The following RNF17 variants were observed in gnomAD, a reference collection of about 807,000 sequenced individuals.
RNF17 encodes spermatogenesis associated 23.
Under a neutral mutation model 200.5 loss-of-function variants are expected in RNF17, and 31 were observed. The ratio of observed to expected loss-of-function variants is 0.15; its 90% confidence interval spans 0.12 to 0.21. The LOEUF (loss-of-function observed/expected upper bound fraction) is 0.21, where lower values mean the gene tolerates loss of function less well. Among genes scored for constraint, RNF17 ranks in the 10% least tolerant of loss-of-function variants. The pLI is 1.00. For synonymous variants in RNF17, 606 were observed against 637.8 expected, an observed-to-expected ratio of 0.95 and a Z score of 0.75; for missense variants, 1,628 against 1,905.1, an observed-to-expected ratio of 0.85 and a Z score of 2.71.
At chr13:24,789,863 C>A in intron 9 of RNF17, 91 bp downstream of exon 9, 1 of 783,498 alleles carries the variant, frequency 1.3e-6, no homozygotes, top group Non-Finnish European at 2.1e-6. Flanking sequence ...TAGTGTAATT[C>A]AAAAGCTGAA....
intron 27 of RNF17, 44 bp from the exon 28 acceptor site, chr13:24,862,669 T>G: frequency 7.8e-7 from 1 of 1,279,076 alleles, no homozygotes; most frequent in South Asian, 1.2e-5. Flanking sequence ...CTGCTCTGAT[T>G]TTATGAAAGC....
chr13:24,855,664 A>G (rs1380766056), intron 25 of RNF17, among the ~76,000 whole-genome samples: 2 of 151,928 alleles, frequency 1.3e-5, no homozygotes, highest in African/African-American at 4.8e-5. Context: ...ATTTCTAGGT[A>G]ATGTCAAATT....
At chr13:24,844,606 TATATA>T in intron 20 of RNF17, 41 bp from the exon 21 acceptor site, 5 of 1,425,712 alleles carry the variant, frequency 3.5e-6, no homozygotes, top group Non-Finnish European at 4.8e-6. Context: ...GCCAGAGAAT[TATATA>T]AGAAAAGGTT....
intron 10 of RNF17, chr13:24,794,360 T>C (rs951643476): frequency 2.9e-6 from 1 of 346,942 alleles, no homozygotes; most frequent in Non-Finnish European, 5.6e-6. Flanking sequence ...CTAAAACATA[T>C]TACTTTCTAA....
At chr13:24,806,276 G>T (rs1885839020) in intron 15 of RNF17, among the ~76,000 whole-genome samples, 1 of 152,046 alleles carries the variant, frequency 6.6e-6, no homozygotes, top group African/African-American at 2.4e-5. Context: ...ATGGGCATTT[G>T]GGTTGGTTCC....
chr13:24,795,403 A>G (rs987802732), intron 10 of RNF17, among the ~76,000 whole-genome samples: 7 of 147,740 alleles, frequency 4.7e-5, no homozygotes, highest in Non-Finnish European at 5.9e-5. Context: ...CTCTCTCTCT[A>G]TGTGTGTGTG....
chr13:24,782,765 G>T (rs1423818491), intron 6 of RNF17, among the ~76,000 whole-genome samples: 2 of 152,096 alleles, frequency 1.3e-5, no homozygotes, highest in African/African-American at 2.4e-5. Flanking sequence ...GAGCCCAATT[G>T]TTGCTATTGG....
intron 29 of RNF17, 60 bp from the exon 30 acceptor site, chr13:24,866,084 G>T: frequency 1.1e-6 from 1 of 914,108 alleles, no homozygotes; most frequent in South Asian, 1.5e-5. Flanking sequence ...GATGAAATAT[G>T]GAAAGTACCT....
chr13:24,804,261 T>A, intron 14 of RNF17, 27 bp from the exon 15 acceptor site: 1 of 1,602,628 alleles, frequency 6.2e-7, no homozygotes, highest in South Asian at 1.1e-5. Context: ...AGACCCTGCT[T>A]ACGCTTTTCA....
chr13:24,867,556 A>G (rs1043544483), intron 30 of RNF17, among the ~76,000 whole-genome samples: 1 of 152,144 alleles, frequency 6.6e-6, no homozygotes, highest in African/African-American at 2.4e-5. Flanking sequence ...GAATTTTCCT[A>G]GGTTCAAACT....
chr13:24,837,294 C>T (rs184472464), intron 18 of RNF17, among the ~76,000 whole-genome samples: 8 of 152,132 alleles, frequency 5.3e-5, no homozygotes, highest in Non-Finnish European at 1.0e-4. Flanking sequence ...TTCAATATTC[C>T]ACTGACATTA....
intron 15 of RNF17, among the ~76,000 whole-genome samples, chr13:24,818,017 T>G (rs9553449): frequency 0.2 from 29,809 of 152,078 alleles, 3,174 homozygotes; most frequent in South Asian, 0.32. Flanking sequence ...TTTAAAATTG[T>G]GTATATAGCT....
chr13:24,820,597 G>A (rs1055753175), intron 15 of RNF17, among the ~76,000 whole-genome samples: 8 of 151,574 alleles, frequency 5.3e-5, no homozygotes, highest in Non-Finnish European at 8.8e-5. Flanking sequence ...CACCACGCCC[G>A]GCTAATTTTT....
downstream of RNF17, chr13:24,883,844 CTG>C: frequency 1.4e-5 from 15 of 1,100,452 alleles, no homozygotes; most frequent in South Asian, 1.9e-4. Context: ...TTCATTCAAA[CTG>C]AACCCCCTAA....
chr13:24,811,508 C>T (rs910836478), intron 15 of RNF17, among the ~76,000 whole-genome samples: 1 of 152,186 alleles, frequency 6.6e-6, no homozygotes, highest in South Asian at 2.1e-4. Context: ...CCTTTAAGCA[C>T]TTCTCTGTAT....
the RNF17 span, chr13:24,886,525 C>A: frequency 2.2e-6 from 1 of 449,194 alleles, no homozygotes; most frequent in Non-Finnish European, 4.3e-6. Context: ...AGTCTAGGGA[C>A]TACTGGGAGT....
At chr13:24,787,462 G>A (rs555089990) in intron 6 of RNF17, among the ~76,000 whole-genome samples, 1 of 152,252 alleles carries the variant, frequency 6.6e-6, no homozygotes, top group African/African-American at 2.4e-5. Context: ...TTGCAGACTG[G>A]CTCTTGATGT....
chr13:24,853,508 A>G (rs1331579640), intron 24 of RNF17, among the ~76,000 whole-genome samples: 1 of 152,056 alleles, frequency 6.6e-6, no homozygotes, highest in African/African-American at 2.4e-5. Context: ...AGCTTGCCAG[A>G]TGTCTGTTCT....
chr13:24,812,732 A>C (rs1253244858), intron 15 of RNF17, among the ~76,000 whole-genome samples: 1 of 125,162 alleles, frequency 8.0e-6, no homozygotes, highest in African/African-American at 3.1e-5. Context: ...CCCAGGCTGG[A>C]GTGTAGTGGC....
Sources: allele counts gnomAD v4.1 joint callset (sites outside exome capture counted in the v4.1 genomes callset), GRCh38; gene constraint gnomAD v4.1.1; transcripts MANE v1.5; gene names NCBI Gene and HGNC (gene_info 2026-07-23, HGNC 2026-07-21).